Variants in TALDO1 observed in about 807,000 individuals in gnomAD.
The protein encoded by TALDO1 is transaldolase.
TALDO1 carries 29 observed loss-of-function variants against 38.1 expected under a neutral mutation model. The ratio of observed to expected loss-of-function variants is 0.76; its 90% CI spans 0.57 to 1.04. The LOEUF is 1.04. TALDO1 is among the 50% of genes least tolerant of loss of function. The pLI is 0.00. For missense variants in TALDO1, 499 were observed against 438.1 expected, an observed-to-expected ratio of 1.14 and a Z score of -1.24; for synonymous variants, 207 against 176.8, an observed-to-expected ratio of 1.17 and a Z score of -1.36.
chr11:758,251 C>T (rs1198051439), intron 2 of TALDO1, among the ~76,000 whole-genome samples: 1 of 152,098 alleles, frequency 6.6e-6, no homozygotes, highest in Non-Finnish European at 1.5e-5. Flanking sequence ...CCACTGCACT[C>T]CAGCCTGGGC....
At chr11:759,136 G>A (rs929745406) in intron 3 of TALDO1, 79 bp downstream of exon 3, 3 of 1,231,906 alleles carry the variant, frequency 2.4e-6, no homozygotes, top group Middle Eastern at 1.9e-4. Flanking sequence ...ATGAGGTCAA[G>A]GGGCTGCTCC....
At position 764,375 on chromosome 11, in the gene TALDO1, T is replaced by G. The variant is rs1451011493; in HGVS notation, c.923T>G (p.Leu308Arg). The G allele has an allele frequency of 5.0e-6, 8 of 1,613,948 alleles. No homozygotes were observed. The highest frequency in any genetic ancestry group is 6.8e-6 in the Non-Finnish European group (8 of 1,179,882). Reference protein sequence around the residue: ...HNEDQMAVEKLSDGIRKFAAD... With the variant: ...HNEDQMAVEKRSDGIRKFAAD... ...GAGGACCAGATGGCTGTGGAGAAGC[T>G]CTCTGACGGGATCCGCAAGTTTGCC... The change falls in exon 7 of 8, where the codon CTC (leucine) becomes CGC (arginine). Residue 308 changes from leucine (L) to arginine (R), a missense_variant. Coordinates refer to ENST00000319006, the MANE Select transcript of TALDO1 (RefSeq NM_006755.2).
At chr11:758,849 C>T (rs374927511) in intron 2 of TALDO1, 101 bp from the exon 3 acceptor site, 3 of 811,578 alleles carry the variant, frequency 3.7e-6, no homozygotes, top group East Asian at 3.3e-5. Context: ...TCATGATCCG[C>T]CCACCTCGGC....
At chr11:759,981 G>A (rs568984473) in intron 3 of TALDO1, 141 bp from the exon 4 acceptor site, 1 of 1,194,230 alleles carries the variant, frequency 8.4e-7, no homozygotes, top group Non-Finnish European at 1.2e-6. Flanking sequence ...CAAACCTCCA[G>A]TGAGGGGAAG....
chr11:759,246 C>G (rs1258876785), intron 3 of TALDO1, among the ~76,000 whole-genome samples, 189 bp downstream of exon 3: 1 of 152,078 alleles, frequency 6.6e-6, no homozygotes, highest in African/African-American at 2.4e-5. Flanking sequence ...CAACTGATCT[C>G]TAGTGTTTTT....
At chr11:764,122 G>T in intron 6 of TALDO1, 166 bp from the exon 7 acceptor site, 1 of 1,412,260 alleles carries the variant, frequency 7.1e-7, no homozygotes, top group Admixed American at 1.8e-5. Flanking sequence ...CAAGTCATCA[G>T]CCAAGGCTCT....
At chr11:748,329 C>T (rs1036850877) in intron 1 of TALDO1, among the ~76,000 whole-genome samples, 8 of 152,142 alleles carry the variant, frequency 5.3e-5, no homozygotes, top group African/African-American at 1.9e-4. Flanking sequence ...AAAGCCGGTG[C>T]CCATGAAAGC....
intron 1 of TALDO1, among the ~76,000 whole-genome samples, chr11:751,497 A>T (rs1298961032): frequency 1.3e-5 from 2 of 151,986 alleles, no homozygotes; most frequent in African/African-American, 4.8e-5. Flanking sequence ...CAGTGAGACC[A>T]CATCTCTACA....
At chr11:763,720 C>T (rs1281015079) in intron 5 of TALDO1, 27 bp from the exon 6 acceptor site, 1 of 1,613,214 alleles carries the variant, frequency 6.2e-7, no homozygotes, top group African/African-American at 1.3e-5. Context: ...CCGAAGCCTT[C>T]CTGGTCACAG....
chr11:753,986 CTT>C (rs1210300893), intron 1 of TALDO1, among the ~76,000 whole-genome samples: 3 of 150,956 alleles, frequency 2.0e-5, no homozygotes, highest in African/African-American at 7.3e-5. Context: ...AAGAAAAAAA[CTT>C]TTTTATTTTT....
chr11:753,306 C>T (rs1275281124), intron 1 of TALDO1, among the ~76,000 whole-genome samples: 4 of 151,344 alleles, frequency 2.6e-5, no homozygotes, highest in South Asian at 2.1e-4. Flanking sequence ...CTGAGGCGGG[C>T]GGATCATGAG....
rs775416883 is a variant in TALDO1, at chr11:763,525, G to A, written c.637+6G>A. The A allele has an allele frequency of 6.8e-6, 11 of 1,613,506 alleles. No homozygotes were observed. The highest frequency in any genetic ancestry group is 9.3e-6 in the Non-Finnish European group (11 of 1,179,938). ...TGAGCCCCTGGAAGACCCTGGTGAG[G>A]GTCCCTCTGTGGTAATGGGGTAAGG... On this transcript the variant is annotated splice_donor_region_variant and intron_variant, in intron 5 of 7. Coordinates refer to ENST00000319006, the MANE Select transcript of TALDO1 (RefSeq NM_006755.2).
intron 1 of TALDO1, chr11:752,316 G>C (rs1276128457): frequency 6.6e-6 from 1 of 150,688 alleles, no homozygotes; most frequent in South Asian, 2.1e-4. Context: ...TCCTGACCTC[G>C]TGATCTGCCC....
intron 1 of TALDO1, among the ~76,000 whole-genome samples, chr11:753,239 C>CA (rs935367298): frequency 3.7e-4 from 54 of 144,526 alleles, no homozygotes; most frequent in Admixed American, 8.3e-4. Flanking sequence ...ACTAAAAATA[C>CA]AAAAAAAAAA....
chr11:748,116 T>G (rs181240966), intron 1 of TALDO1, among the ~76,000 whole-genome samples: 1 of 152,392 alleles, frequency 6.6e-6, no homozygotes, highest in African/African-American at 2.4e-5. Flanking sequence ...AGCTTCGAGC[T>G]GACTTCCACG....
At chr11:753,360 T>C (rs898175679) in intron 1 of TALDO1, among the ~76,000 whole-genome samples, 3 of 151,586 alleles carry the variant, frequency 2.0e-5, no homozygotes, top group African/African-American at 7.3e-5. Flanking sequence ...TGAAACCCCA[T>C]CTCTACTAAA....
intron 1 of TALDO1, among the ~76,000 whole-genome samples, chr11:749,370 C>G (rs540123829): frequency 1.5e-5 from 2 of 135,656 alleles, no homozygotes; most frequent in South Asian, 4.4e-4. Flanking sequence ...CCACTGCACT[C>G]CAGCCTGGGC....
intron 4 of TALDO1, 81 bp downstream of exon 4, chr11:760,334 T>C (rs1278138397): frequency 6.3e-7 from 1 of 1,593,196 alleles, no homozygotes; most frequent in Non-Finnish European, 8.5e-7. Context: ...CAGGCAAGTT[T>C]GACTCTCTCA....
At chr11:761,780 T>G (rs186130968) in intron 4 of TALDO1, among the ~76,000 whole-genome samples, 89 of 152,222 alleles carry the variant, frequency 5.8e-4, no homozygotes, top group African/African-American at 2.0e-3. Flanking sequence ...AGGCTCAAGC[T>G]ATCTTTCCAC....
Sources: gnomAD v4.1 joint callset for allele counts (sites outside exome capture counted in the v4.1 genomes callset) on GRCh38, gnomAD v4.1.1 for gene constraint, MANE v1.5 for transcripts, NCBI Gene and HGNC (gene_info 2026-07-23, HGNC 2026-07-21) for gene names.